The following LYZL4 variants were observed in gnomAD, a reference collection of about 807,000 sequenced individuals.
LYZL4 encodes the protein lysozyme-like protein 4.
In LYZL4, 13 loss-of-function variants were observed where a neutral mutation model predicts 17.6. The ratio of observed to expected loss-of-function variants is 0.74; its 90% CI spans 0.48 to 1.18. LYZL4 has a LOEUF of 1.18. Ranked by LOEUF, LYZL4 falls within the 50% of genes most tolerant of loss-of-function variation. The pLI is 0.00. For synonymous variants in LYZL4, 64 were observed against 67.7 expected (o/e 0.95, Z 0.27); for missense variants, 174 against 188.2 (o/e 0.92, Z 0.44).
intron 4 of LYZL4, among the ~76,000 whole-genome samples, chr3:42,398,465 T>C (rs879653440): frequency 6.6e-6 from 1 of 152,198 alleles, no homozygotes; most frequent in East Asian, 1.9e-4. Context: ...ATGAAAGGTA[T>C]TTCAAACACT....
the LYZL4 span, among the ~76,000 whole-genome samples, chr3:42,363,371 C>G: frequency 6.6e-6 from 1 of 152,020 alleles, no homozygotes. Flanking sequence ...AGAAAAATAT[C>G]CTTATTCTAA....
At chr3:42,390,987 C>T in the LYZL4 span, among the ~76,000 whole-genome samples, 1 of 152,154 alleles carries the variant, frequency 6.6e-6, no homozygotes, top group African/African-American at 2.4e-5. Flanking sequence ...ATATGACCAG[C>T]TCATTTTAAG....
At chr3:42,376,162 A>G in the LYZL4 span, among the ~76,000 whole-genome samples, 1 of 152,178 alleles carries the variant, frequency 6.6e-6, no homozygotes, top group Admixed American at 6.5e-5. Flanking sequence ...AAATCAGCTC[A>G]TTAAGGAATG....
At chr3:42,397,620 G>A (rs909363378) in intron 4 of LYZL4, among the ~76,000 whole-genome samples, 1 of 152,120 alleles carries the variant, frequency 6.6e-6, no homozygotes, top group Non-Finnish European at 1.5e-5. Context: ...TGTGAACTGT[G>A]AAATTCTCCC....
downstream of LYZL4, chr3:42,397,074 T>C: frequency 3.9e-6 from 2 of 509,328 alleles, no homozygotes; most frequent in Non-Finnish European, 7.2e-6. Flanking sequence ...CAGAGACCTT[T>C]GGCCCAAGTT....
the LYZL4 span, among the ~76,000 whole-genome samples, chr3:42,362,026 A>G: frequency 6.6e-6 from 1 of 152,234 alleles, no homozygotes; most frequent in Non-Finnish European, 1.5e-5. Context: ...CATTAGGAAC[A>G]TGTCACAAGA....
chr3:42,371,406 G>C, the LYZL4 span, among the ~76,000 whole-genome samples: 1 of 152,184 alleles, frequency 6.6e-6, no homozygotes. Context: ...CCTGGAACAA[G>C]GGTGTACTCT....
At chr3:42,384,346 C>T in the LYZL4 span, among the ~76,000 whole-genome samples, 1 of 151,920 alleles carries the variant, frequency 6.6e-6, no homozygotes, top group South Asian at 2.1e-4. Context: ...GGGTATAAAC[C>T]AAGAAGAAAG....
At position 42,397,297 on chromosome 3, in the gene LYZL4, G is replaced by A; in HGVS notation, c.409C>T (p.Leu137=). Reference sequence around the variant, plus strand: ...TTGCAACCATCCAGCCACCGTGCCAGGGTATCGGAGTACTGGCAGTACCGG... The same window carrying A: ...TTGCAACCATCCAGCCACCGTGCCAAGGTATCGGAGTACTGGCAGTACCGG... ...WSRYCQYSDT[L]ARWLDGCKL Residue 137 remains leucine, a synonymous_variant, in exon 5 of 5, where the codon CTG becomes TTG. Coordinates refer to ENST00000287748, the MANE Select transcript of LYZL4 (RefSeq NM_144634.4). 6.4e-7 allele frequency: 1 copy of A among 1,572,212 alleles called. No homozygotes were observed.
At chr3:42,389,731 T>C in the LYZL4 span, among the ~76,000 whole-genome samples, 1 of 152,216 alleles carries the variant, frequency 6.6e-6, no homozygotes, top group African/African-American at 2.4e-5. Flanking sequence ...TGCAGCAGCA[T>C]GGCATCATCC....
the LYZL4 span, among the ~76,000 whole-genome samples, chr3:42,382,614 G>C: frequency 6.6e-6 from 1 of 151,678 alleles, no homozygotes. Flanking sequence ...TGTTTATATA[G>C]ATCAGGAAAT....
At chr3:42,389,529 T>C in the LYZL4 span, among the ~76,000 whole-genome samples, 7 of 152,218 alleles carry the variant, frequency 4.6e-5, no homozygotes, top group Non-Finnish European at 5.9e-5. Flanking sequence ...AAAACCCTGA[T>C]AGGAGAGTCA....
the LYZL4 span, among the ~76,000 whole-genome samples, chr3:42,382,160 A>G: frequency 6.6e-6 from 1 of 152,250 alleles, no homozygotes; most frequent in African/African-American, 2.4e-5. Context: ...TTTCACTAAT[A>G]ACTACAACTG....
chr3:42,366,176 T>G, the LYZL4 span, among the ~76,000 whole-genome samples: 1 of 152,154 alleles, frequency 6.6e-6, no homozygotes, highest in East Asian at 1.9e-4. Flanking sequence ...GCCAGACCAG[T>G]TGGCCTGTCC....
chr3:42,367,792 C>T, the LYZL4 span, among the ~76,000 whole-genome samples: 2 of 152,192 alleles, frequency 1.3e-5, no homozygotes, highest in Admixed American at 6.5e-5. Context: ...AACTAAAATG[C>T]TATCTTTCTT....
the LYZL4 span, among the ~76,000 whole-genome samples, chr3:42,390,545 A>ATTT: frequency 0.023 from 3,312 of 147,158 alleles, 36 homozygotes; most frequent in Middle Eastern, 0.028. Flanking sequence ...AGGAGCAGCT[A>ATTT]TTTTTTTTTT....
chr3:42,382,352 T>C, the LYZL4 span, among the ~76,000 whole-genome samples: 65 of 152,318 alleles, frequency 4.3e-4, no homozygotes, highest in Admixed American at 1.1e-3. Flanking sequence ...TCTTGACAGA[T>C]AGTCTTTGCT....
At chr3:42,394,419 G>A (rs2125598341), downstream of LYZL4, among the ~76,000 whole-genome samples, 1 of 152,322 alleles carries the variant, frequency 6.6e-6, no homozygotes, top group South Asian at 2.1e-4. Context: ...CCAAACTGGA[G>A]TAAAGCCACA....
chr3:42,368,377 C>T, the LYZL4 span, among the ~76,000 whole-genome samples: 1 of 152,152 alleles, frequency 6.6e-6, no homozygotes, highest in Non-Finnish European at 1.5e-5. Context: ...TAAAGAATTG[C>T]TGAGATACTA....
Sources: allele counts gnomAD v4.1 joint callset (sites outside exome capture counted in the v4.1 genomes callset), GRCh38; gene constraint gnomAD v4.1.1; transcripts MANE v1.5; gene names NCBI Gene and HGNC (gene_info 2026-07-23, HGNC 2026-07-21).